PLEC: variants seen among roughly 807,000 people sequenced by gnomAD.
PLEC encodes plectin.
A neutral mutation model predicts 392.8 loss-of-function variants in PLEC; 216 were observed. That is an observed-to-expected ratio of 0.55 (90% CI 0.49 to 0.62). PLEC has a LOEUF of 0.62. Ranked by LOEUF, PLEC falls within the 20% of genes least tolerant of loss-of-function variation. The pLI is 0.00. For missense variants in PLEC, 6,863 were observed against 6,563.4 expected (o/e 1.05, Z -1.58); for synonymous variants, 3,621 against 2,980.6 (o/e 1.21, Z -7.00).
Position 143,927,364 on chromosome 8 carries a change from C to G in PLEC, c.3757-29G>C, listed in dbSNP as rs782794937. 5.0e-6 allele frequency: 8 copies of G among 1,611,196 alleles called. No homozygotes were observed. In the East Asian group the frequency reaches 1.8e-4, roughly 36 times the overall value. ...GGTGATGGTGTGGTCAGAGCCGTGG[C>G]CGCAGGGCACGCCCAGCCGCCCCGT... On this transcript the variant is annotated intron_variant, in intron 27 of 31. Coordinates refer to ENST00000345136, the MANE Select transcript of PLEC (RefSeq NM_201384.3).
At chr8:143,944,678 G>T (rs1831174097) in intron 1 of PLEC, 2 of 1,331,860 alleles carry the variant, frequency 1.5e-6, no homozygotes, top group South Asian at 5.0e-5. Flanking sequence ...GACGGTGGCA[G>T]GAGCCCACGG....
In PLEC at chr8:143,917,378, G is replaced by A. The variant is rs199756948; in HGVS notation, c.12443C>T (p.Thr4148Met). Reference sequence around the variant, plus strand: ...CTCGTACACTGACATCTCCTTGCCCGTCTCGGGGTCCACGATGACCACTCG... The same window carrying A: ...CTCGTACACTGACATCTCCTTGCCCATCTCGGGGTCCACGATGACCACTCG... The part of the protein sequence containing the change: ...KRRVVIVDPE[T>M]GKEMSVYEAY... The change falls in exon 32 of 32, where the codon ACG becomes ATG. Residue 4148 changes from threonine to methionine, a missense_variant. Thr to Met is a moderately conservative substitution (Grantham distance 81). Transcript: ENST00000345136. 56 of 1,611,244 alleles carry A rather than the reference G, an allele frequency of 3.5e-5. No homozygotes were observed. Among genetic ancestry groups the A allele is most frequent in the East Asian group, 6.7e-5 (3 of 44,876 alleles).
chr8:143,942,784 G>A (rs1830750459), upstream of PLEC, among the ~76,000 whole-genome samples: 1 of 152,268 alleles, frequency 6.6e-6, no homozygotes, highest in South Asian at 2.1e-4. Context: ...AGCGGCATGG[G>A]AGGGGGCCTC....
chr8:143,944,640 C>A, intron 1 of PLEC: 1 of 1,348,016 alleles, frequency 7.4e-7, no homozygotes, highest in Non-Finnish European at 9.6e-7. Flanking sequence ...CAAGGGCTGC[C>A]CACCTACCGG....
At chr8:143,957,243 C>T (rs920424620), upstream of PLEC, among the ~76,000 whole-genome samples, 3 of 152,162 alleles carry the variant, frequency 2.0e-5, no homozygotes, top group African/African-American at 7.2e-5. Context: ...AGCAAAGCCC[C>T]GGCCACTGCC....
Position 143,930,324 on chromosome 8 carries a change from C to T in PLEC, c.2458-26G>A, listed in dbSNP as rs782556271. The T allele has an allele frequency of 2.5e-6, 4 of 1,595,154 alleles. No individual in the cohort carries two copies. In the Admixed American group the frequency reaches 6.8e-5, roughly 27 times the overall value. On this transcript the variant is annotated intron_variant, in intron 20 of 31. Coordinates refer to ENST00000345136, the MANE Select transcript of PLEC (RefSeq NM_201384.3). ...CTGGGACGGGCAGAGTCGGTGAGGA[C>T]ATGGCCACACCCTGCCCTGCCTGGC...
chr8:143,918,814 G>A lies in PLEC; in HGVS notation c.11007C>T (p.Gly3669=), dbSNP rs1399926352. The A allele has an allele frequency of 8.7e-6, 14 of 1,613,092 alleles. No homozygotes were observed. The highest frequency in any genetic ancestry group is 3.3e-4 in the Middle Eastern group (2 of 6,084). The part of the protein sequence containing the change: ...SLETYNLLRE[G]TRSLREALEA... Reference sequence around the variant, plus strand: ...CGAGAGCCTCACGGAGGCTCCTGGTGCCCTCCCGGAGCAGGTTGTAGGTCT... The same window carrying A: ...CGAGAGCCTCACGGAGGCTCCTGGTACCCTCCCGGAGCAGGTTGTAGGTCT... The change falls in exon 32 of 32, where the codon GGC becomes GGT. Residue 3669 remains glycine (G), a synonymous_variant. Coordinates refer to ENST00000345136, the MANE Select transcript of PLEC (RefSeq NM_201384.3).
At chr8:143,945,192 G>C (rs1831267569) in intron 1 of PLEC, 1 of 481,170 alleles carries the variant, frequency 2.1e-6, no homozygotes, top group South Asian at 1.6e-5. Context: ...GGCCGGGACA[G>C]CCACCCCAAA....
Position 143,932,540 on chromosome 8 carries a change from T to C in PLEC, c.1837A>G (p.Arg613Gly). The C allele has an allele frequency of 6.2e-7, 1 of 1,612,542 alleles. No homozygotes were observed. The highest frequency in any genetic ancestry group is 8.5e-7 in the Non-Finnish European group (1 of 1,179,930). ...AAGCTGTGCAAGCTCTCCAGGGACC[T>C]GAGGCGGGCCTTGGAGGAGTTCTGT... The part of the protein sequence containing the change: ...KLLNSSKARL[R>G]SLESLHSFVA... The change falls in exon 16 of 32, where the codon AGG (arginine) becomes GGG (glycine). Residue 613 changes from arginine to glycine, a missense_variant. Physicochemically the swap from Arg to Gly is moderately radical, Grantham distance 125 (BLOSUM62 -2). Transcript: ENST00000345136.
rs782779171 is a variant in PLEC, at chr8:143,919,739, T to A, written c.10082A>T (p.Tyr3361Phe). ...LQGSGCLAGI[Y>F]LEDTKEKVSI... ...CACCTTCTCCTTGGTGTCCTCCAGGTAGATGCCGGCGAGGCAGCCACTGCC... is the reference window on the plus strand; with the variant it reads ...CACCTTCTCCTTGGTGTCCTCCAGGAAGATGCCGGCGAGGCAGCCACTGCC... Residue 3361 changes from tyrosine to phenylalanine, a missense_variant, in exon 32 of 32, where the codon TAC (tyrosine) becomes TTC (phenylalanine). Tyr to Phe is a conservative substitution (Grantham distance 22, BLOSUM62 3). Transcript: ENST00000345136. 6.2e-7 allele frequency: 1 copy of A among 1,608,940 alleles called. No individual in the cohort carries two copies. The highest frequency in any genetic ancestry group is 1.1e-5 in the South Asian group (1 of 91,036).
At chr8:143,967,938 G>C (rs1400339165) in intron 1 of PLEC, among the ~76,000 whole-genome samples, 1 of 152,272 alleles carries the variant, frequency 6.6e-6, no homozygotes. Context: ...GACCAGCCTG[G>C]CCAACATGGG....
In PLEC at chr8:143,922,310, T is replaced by C. The variant is rs1554689299; in HGVS notation, c.7511A>G (p.Gln2504Arg). 1.9e-6 allele frequency: 3 copies of C among 1,607,650 alleles called. No individual in the cohort carries two copies. Among genetic ancestry groups the C allele is most frequent in the Middle Eastern group, 3.3e-4 (2 of 6,050 alleles). Residue 2504 changes from glutamine to arginine, a missense_variant, in exon 32 of 32, where the codon CAG (glutamine) becomes CGG (arginine). Physicochemically the swap from Gln to Arg is conservative, Grantham distance 43. Transcript: ENST00000345136. ...SFLSEKDSLL[Q>R]RERFIEQEKA... is the part of the protein sequence containing the mutation. ...CTCCTGCTCGATGAAGCGCTCCCGC[T>C]GTAGCAGGCTGTCCTTTTCAGAGAG...
At chr8:143,950,480 T>G in exon 1 of PLEC, 1 of 1,607,950 alleles carries the variant, frequency 6.2e-7, no homozygotes, top group Admixed American at 1.7e-5. Flanking sequence ...GATGCCTTCA[T>G]TGGTGAGGTA....
At chr8:143,951,049 G>A (rs181468246), upstream of PLEC, among the ~76,000 whole-genome samples, 682 of 152,320 alleles carry the variant, frequency 4.5e-3, 4 homozygotes, top group African/African-American at 0.012. Context: ...AAGAGGCAGC[G>A]GCCACCCCCA....
At chr8:143,939,817 C>CAG (rs1830102721), upstream of PLEC, among the ~76,000 whole-genome samples, 2 of 135,800 alleles carry the variant, frequency 1.5e-5, no homozygotes, top group Non-Finnish European at 3.5e-5. Context: ...GACCTGGGGA[C>CAG]ACGGGGAGCT....
rs1468025304 is a variant in PLEC, at chr8:143,927,299, C to T, written c.3793G>A (p.Val1265Ile). The change falls in exon 28 of 32, where the codon GTC becomes ATC. Residue 1265 changes from valine to isoleucine, a missense_variant. Physicochemically the swap from Val to Ile is conservative, Grantham distance 29 (BLOSUM62 3). Coordinates refer to ENST00000345136, the MANE Select transcript of PLEC (RefSeq NM_201384.3). ...LEEIERHGEK[V>I]EECQRFAKQY... ...TTCGCAAACCTCTGGCACTCCTCGA[C>T]CTTCTCGCCGTGGCGCTCGATCTCC... 3.7e-6 allele frequency: 6 copies of T among 1,613,206 alleles called. No homozygotes were observed. Among genetic ancestry groups the T allele is most frequent in the Non-Finnish European group, 5.1e-6 (6 of 1,179,988 alleles).
At chr8:143,954,027 GC>G, upstream of PLEC, 3 of 876,492 alleles carry the variant, frequency 3.4e-6, no homozygotes, top group Non-Finnish European at 4.8e-6. This position sits in a 1 kb window ranked among gnomAD's most constrained non-coding sequence, Gnocchi z 4.6. Flanking sequence ...CAGCCAGACT[GC>G]CAGGTCACCA....
rs782525101 is a variant in PLEC, at chr8:143,923,044, C to G, written c.6885G>C (p.Gln2295His). 5 of 1,611,194 alleles carry G rather than the reference C, an allele frequency of 3.1e-6. No homozygotes were observed. The South Asian group carries it at 5.5e-5, about 18-fold the overall frequency. Reference sequence around the variant, plus strand: ...GCTGTGCCAGGTCCTCCTCTGCCAGCTGCCGCAGTCGCGCAGCCTCTTGGG... The same window carrying G: ...GCTGTGCCAGGTCCTCCTCTGCCAGGTGCCGCAGTCGCGCAGCCTCTTGGG... ...VAAQEAARLRQLAEEDLAQQR... is the reference protein window; with the variant it reads ...VAAQEAARLRHLAEEDLAQQR... The change falls in exon 31 of 32, where the codon CAG becomes CAC. Residue 2295 changes from glutamine (Q) to histidine (H), a missense_variant. Gln to His is a conservative substitution (Grantham distance 24). Coordinates refer to ENST00000345136, the MANE Select transcript of PLEC (RefSeq NM_201384.3).
intron 1 of PLEC, among the ~76,000 whole-genome samples, chr8:143,968,923 C>T (rs116049648): frequency 0.03 from 4,524 of 152,206 alleles, 226 homozygotes; most frequent in African/African-American, 0.1. Context: ...CAGAATGGCA[C>T]GCCCGCTTTA....
Sources: gnomAD v4.1 joint callset for allele counts (sites outside exome capture counted in the v4.1 genomes callset) on GRCh38, gnomAD v4.1.1 for gene constraint, Gnocchi (gnomAD v3.1) non-coding constraint, MANE v1.5 for transcripts, NCBI Gene and HGNC (gene_info 2026-07-23, HGNC 2026-07-21) for gene names.